The following COL4A5 variants were observed in gnomAD, a reference collection of about 807,000 sequenced individuals.
COL4A5 encodes collagen type IV alpha 5 chain, also known as collagen alpha-5(IV) chain.
COL4A5 carries 26 observed loss-of-function variants against 130.2 expected under a neutral mutation model. That is an observed-to-expected ratio of 0.20 (90% confidence interval 0.15 to 0.28). The LOEUF is 0.28. COL4A5 is among the 10% of genes least tolerant of loss of function. COL4A5 has a pLI of 1.00. For synonymous variants in COL4A5, 496 were observed against 439.6 expected (o/e 1.13, Z -1.60); for missense variants, 1,131 against 1,344.3 (o/e 0.84, Z 2.48).
Position 108,680,538 on chromosome X carries a change from A to G in COL4A5, c.3943-141A>G, listed in dbSNP as rs762894843. The G allele has an allele frequency of 1.3e-4, 70 of 520,414 alleles. No individual in the cohort carries two copies. In the East Asian group the frequency reaches 2.2e-3, roughly 16 times the overall value. The allele number at this position is 520,414 out of a possible 1,213,427, so 42.9% of individuals were successfully genotyped here. ...ATCAACTCAATTCACACAAGATAAT[A>G]TAAGGCAAAATTGAGATTACAGTCT... On this transcript the variant is annotated intron_variant, in intron 44 of 52. Coordinates refer to ENST00000328300, the MANE Select transcript of COL4A5 (RefSeq NM_033380.3).
At position 108,582,695 on chromosome X, in the gene COL4A5, CTT is replaced by C. The variant is rs34190918; in HGVS notation, c.937-171_937-170del. 0.13 allele frequency: 30,492 copies of C among 226,097 alleles called. 1,550 individuals are homozygous for C. The highest frequency in any genetic ancestry group is 0.39 in the African/African-American group (10,073 of 25,601). 18.6% of individuals were successfully genotyped at this position (226,097 alleles called of 1,213,427 possible). A position where few individuals can be genotyped will look rare whatever the true frequency, so the allele number is the denominator to read the frequency against. On this transcript the variant is annotated intron_variant, in intron 16 of 52. Transcript: ENST00000328300. ...GCTCTGAGTTCTCACCAAGATTCAG[CTT>C]TTTTTTTTTTTTTTTTTCTGAGAAA... is the stretch of plus-strand genomic sequence containing the variant.
chrX:108,695,886 T>C (rs2068725110), intron 52 of COL4A5: 1 of 213,468 alleles, frequency 4.7e-6, no homozygotes, highest in African/African-American at 2.9e-5. Context: ...ATTCTGTTGA[T>C]TTTTTTCAGT....
chrX:108,674,777 C>CTTT (rs200814705), intron 43 of COL4A5, 24 bp downstream of exon 43: 215 of 979,663 alleles, frequency 2.2e-4, no homozygotes, highest in East Asian at 5.2e-4. Flanking sequence ...CTGGTCAATT[C>CTTT]TTTTTTTTTT....
intron 23 of COL4A5, 106 bp downstream of exon 23, chrX:108,597,174 C>A: frequency 1.2e-6 from 1 of 817,951 alleles, no homozygotes; most frequent in Non-Finnish European, 1.8e-6. Context: ...TTTAATTTTT[C>A]CATTAAGTTG....
intron 1 of COL4A5, among the ~76,000 whole-genome samples, chrX:108,534,644 T>A (rs1266163749): frequency 1.8e-5 from 2 of 111,175 alleles, no homozygotes; most frequent in Non-Finnish European, 1.9e-5. Flanking sequence ...ATTAAAGATG[T>A]CATTCCGTGG....
intron 36 of COL4A5, among the ~76,000 whole-genome samples, chrX:108,638,445 A>G (rs1408259638): frequency 8.9e-6 from 1 of 111,795 alleles, no homozygotes; most frequent in East Asian, 2.8e-4. Flanking sequence ...TAAAGGTCAT[A>G]TATGAAAAAA....
chrX:108,475,564 A>G (rs186592800), intron 1 of COL4A5, among the ~76,000 whole-genome samples: 1 of 111,321 alleles, frequency 9.0e-6, no homozygotes, highest in East Asian at 2.8e-4. Context: ...ATTAAATGTG[A>G]TATTATCTCA....
intron 1 of COL4A5, among the ~76,000 whole-genome samples, chrX:108,516,088 A>T (rs1286365469): frequency 1.8e-5 from 2 of 112,007 alleles, no homozygotes; most frequent in Non-Finnish European, 3.8e-5. Flanking sequence ...TGAGTTCCAG[A>T]TGCTTTGATG....
intron 24 of COL4A5, among the ~76,000 whole-genome samples, chrX:108,598,115 C>G (rs1428861082): frequency 9.0e-6 from 1 of 110,765 alleles, no homozygotes; most frequent in African/African-American, 3.3e-5. Flanking sequence ...CACTTGAACC[C>G]GGGAGGCGGA....
chrX:108,686,743 C>G (rs1377790143), intron 48 of COL4A5, among the ~76,000 whole-genome samples: 3 of 111,985 alleles, frequency 2.7e-5, no homozygotes, highest in Non-Finnish European at 5.6e-5. Context: ...GAGGATCATA[C>G]ATTATATATG....
intron 49 of COL4A5, among the ~76,000 whole-genome samples, chrX:108,691,615 A>C (rs770223192): frequency 2.7e-5 from 3 of 111,700 alleles, no homozygotes; most frequent in African/African-American, 9.7e-5. Flanking sequence ...GGTATATTCA[A>C]TATTAATTTT....
chrX:108,695,750 A>G (rs2068723081), intron 52 of COL4A5: 1 of 294,805 alleles, frequency 3.4e-6, no homozygotes, highest in African/African-American at 2.7e-5. Context: ...CACCCCAGGA[A>G]TTGAAGTTAC....
At chrX:108,484,979 A>AT (rs2147533556) in intron 1 of COL4A5, among the ~76,000 whole-genome samples, 1 of 111,694 alleles carries the variant, frequency 9.0e-6, no homozygotes, top group South Asian at 3.7e-4. Context: ...GGTGTGTTCT[A>AT]TTTTACTCTA....
intron 1 of COL4A5, among the ~76,000 whole-genome samples, chrX:108,517,109 A>C (rs1221372614): frequency 8.9e-6 from 1 of 111,909 alleles, no homozygotes; most frequent in Non-Finnish European, 1.9e-5. Flanking sequence ...CAAGCTTCTT[A>C]ACACATCAAT....
chrX:108,598,857 G>T lies in COL4A5; in HGVS notation c.1935G>T (p.Gln645His). The change falls in exon 25 of 53, where the codon CAG (glutamine) becomes CAT (histidine). Residue 645 changes from glutamine (Q) to histidine (H), a missense_variant. Physicochemically the swap from Gln to His is conservative, Grantham distance 24 (BLOSUM62 0). Coordinates refer to ENST00000328300, the MANE Select transcript of COL4A5 (RefSeq NM_033380.3). ...GIQGVAGNPGQPGIPGPKGDP... is the reference protein window; with the variant it reads ...GIQGVAGNPGHPGIPGPKGDP... ...AAGGTGTGGCAGGAAATCCAGGCCA[G>T]CCAGGAATACCAGGTAAGTTTACTG... The T allele has an allele frequency of 1.7e-6, 2 of 1,211,268 alleles. No homozygotes were observed. The highest frequency in any genetic ancestry group is 3.5e-5 in the African/African-American group (2 of 57,776).
At chrX:108,461,531 T>C (rs996304899) in intron 1 of COL4A5, among the ~76,000 whole-genome samples, 2 of 112,132 alleles carry the variant, frequency 1.8e-5, no homozygotes, top group Non-Finnish European at 1.9e-5. Context: ...ATTATATTTT[T>C]CTTAGTTTTC....
At chrX:108,572,485 C>T (rs967771930) in intron 8 of COL4A5, among the ~76,000 whole-genome samples, 13 of 111,400 alleles carry the variant, frequency 1.2e-4, no homozygotes, top group Non-Finnish European at 1.7e-4. Flanking sequence ...CACTTTTACA[C>T]GATCTCAAAA....
At chrX:108,689,980 C>T in intron 49 of COL4A5, 5 of 751,928 alleles carry the variant, frequency 6.6e-6, no homozygotes, top group Non-Finnish European at 7.8e-6. Context: ...ATACTTCCAT[C>T]ATTATGGGCC....
chrX:108,626,560 G>A (rs1362105005), intron 36 of COL4A5: 2 of 1,130,753 alleles, frequency 1.8e-6, no homozygotes, highest in Middle Eastern at 3.0e-4. Context: ...AAACTTTCTG[G>A]TTTCTTTGTT....
Sources: allele counts gnomAD v4.1 joint callset (sites outside exome capture counted in the v4.1 genomes callset), GRCh38; gene constraint gnomAD v4.1.1; transcripts MANE v1.5; gene names NCBI Gene and HGNC (gene_info 2026-07-23, HGNC 2026-07-21).